The following ANKRD36 variants were observed in gnomAD, a reference collection of about 807,000 sequenced individuals.
ANKRD36 encodes ankyrin repeat domain 36.
ANKRD36 carries 179 observed loss-of-function variants against 278.1 expected under a neutral mutation model. The ratio of observed to expected loss-of-function variants is 0.64; its 90% CI spans 0.57 to 0.73. The LOEUF (loss-of-function observed/expected upper bound fraction) is 0.73. ANKRD36 is among the 30% of genes least tolerant of loss of function. ANKRD36 has a pLI of 0.00. For synonymous variants in ANKRD36, 320 were observed against 641.1 expected (o/e 0.50, Z 7.57); for missense variants, 1,159 against 1,956.7 (o/e 0.59, Z 7.69).
At chr2:97,183,438 T>G (rs748397353) in intron 26 of ANKRD36, 21 bp from the exon 27 acceptor site, 63 of 1,548,536 alleles carry the variant, frequency 4.1e-5, no homozygotes, top group Non-Finnish European at 5.2e-5. Flanking sequence ...TGATGGATTA[T>G]ATATTTCTTT....
At chr2:97,211,830 G>A (rs2064731704) in intron 58 of ANKRD36, 89 bp downstream of exon 58, 2 of 1,406,512 alleles carry the variant, frequency 1.4e-6, no homozygotes, top group Non-Finnish European at 9.7e-7. Flanking sequence ...GGTTCGTCAA[G>A]CCTTCATGTT....
chr2:97,233,080 A>G (rs1425073300), intron 67 of ANKRD36, among the ~76,000 whole-genome samples: 1 of 151,828 alleles, frequency 6.6e-6, no homozygotes, highest in Non-Finnish European at 1.5e-5. Context: ...AATGTGTTCC[A>G]GAAGCCGTTA....
chr2:97,225,679 G>T (rs770209578), intron 67 of ANKRD36, among the ~76,000 whole-genome samples: 1 of 151,926 alleles, frequency 6.6e-6, no homozygotes, highest in African/African-American at 2.4e-5. Flanking sequence ...CAATGTGCAG[G>T]TTAGTTACAT....
At chr2:97,140,602 G>A (rs554407954) in intron 6 of ANKRD36, among the ~76,000 whole-genome samples, 2 of 152,160 alleles carry the variant, frequency 1.3e-5, no homozygotes, top group South Asian at 2.1e-4. Flanking sequence ...CTGTGAAAGA[G>A]TGTCTATGGG....
intron 75 of ANKRD36, among the ~76,000 whole-genome samples, chr2:97,263,304 C>T (rs2076929296): frequency 8.1e-6 from 1 of 123,040 alleles, no homozygotes; most frequent in Non-Finnish European, 1.6e-5. Flanking sequence ...TCTTGCTCCA[C>T]ATCCTTGCCA....
At chr2:97,145,653 T>C (rs779306119) in intron 10 of ANKRD36, among the ~76,000 whole-genome samples, 4 of 152,078 alleles carry the variant, frequency 2.6e-5, no homozygotes, top group Admixed American at 6.6e-5. Flanking sequence ...CTAATGCTTG[T>C]AGCAACTTTA....
At chr2:97,199,067 G>A (rs1209527977) in intron 44 of ANKRD36, among the ~76,000 whole-genome samples, 1 of 151,908 alleles carries the variant, frequency 6.6e-6, no homozygotes, top group Non-Finnish European at 1.5e-5. Flanking sequence ...CACTGTAGGA[G>A]AACTAAGGAG....
chr2:97,162,783 G>A (rs1226390364), intron 18 of ANKRD36, among the ~76,000 whole-genome samples: 3 of 145,540 alleles, frequency 2.1e-5, no homozygotes, highest in East Asian at 4.0e-4. Flanking sequence ...GATGCACTTG[G>A]ATATCAAAAC....
At chr2:97,159,707 G>A (rs1424763182) in intron 17 of ANKRD36, among the ~76,000 whole-genome samples, 1 of 149,492 alleles carries the variant, frequency 6.7e-6, no homozygotes, top group African/African-American at 2.4e-5. Flanking sequence ...TAATAAGAGG[G>A]AAAATAAATA....
rs181207203 is a variant in ANKRD36, at chr2:97,186,641, C to T, written c.2042-557C>T. Reference sequence around the variant, plus strand: ...TGAGAAATAATGAATATTATTTACTCGGATTAAGGAAACATATATCCAAGC... The same window carrying T: ...TGAGAAATAATGAATATTATTTACTTGGATTAAGGAAACATATATCCAAGC... On this transcript the variant is annotated intron_variant, in intron 30 of 75. Coordinates refer to ENST00000420699, the MANE Select transcript of ANKRD36 (RefSeq NM_001354587.1). Among the ~76,000 whole-genome samples, 336 of 151,786 alleles carry T rather than the reference C, an allele frequency of 2.2e-3. 1 individual carries two copies. Among genetic ancestry groups the T allele is most frequent in the Non-Finnish European group, 3.9e-3 (266 of 67,926 alleles).
intron 66 of ANKRD36, among the ~76,000 whole-genome samples, chr2:97,223,050 A>G (rs1418547612): frequency 6.7e-6 from 1 of 149,276 alleles, no homozygotes; most frequent in East Asian, 2.0e-4. Context: ...TGGAAATTTA[A>G]TTTTTTCATT....
Position 97,141,058 on chromosome 2 carries a change from AGT to A in ANKRD36, c.800-1579_800-1578del, listed in dbSNP as rs1436317278. On this transcript the variant is annotated intron_variant, in intron 6 of 75. Transcript: ENST00000420699. ...TTGGGATGCAGCTTAATCTAGAAAA[AGT>A]GTTTTTTTTTTCTTTAGGAAAGCTG... 1.1e-4 allele frequency among the ~76,000 whole-genome samples: 16 copies of A among 151,846 alleles called. No individual in the cohort carries two copies. In the East Asian group the frequency reaches 2.9e-3, roughly 28 times the overall value.
At chr2:97,174,903 G>A (rs1486559697) in intron 22 of ANKRD36, among the ~76,000 whole-genome samples, 44 of 148,630 alleles carry the variant, frequency 3.0e-4, no homozygotes, top group African/African-American at 1.1e-3. Flanking sequence ...TTTGTCTTTG[G>A]CTCTGTTTAT....
chr2:97,115,580 A>G (rs570642274), intron 1 of ANKRD36, among the ~76,000 whole-genome samples: 1 of 152,042 alleles, frequency 6.6e-6, no homozygotes. Context: ...ACCTATGCAC[A>G]TGGGAAAAAA....
chr2:97,169,565 C>G (rs1420045374), intron 22 of ANKRD36, among the ~76,000 whole-genome samples: 1 of 152,286 alleles, frequency 6.6e-6, no homozygotes, highest in Non-Finnish European at 1.5e-5. Context: ...TCTCCTTCAG[C>G]TGATAAGCAA....
At chr2:97,126,103 A>G (rs1471726151) in intron 5 of ANKRD36, among the ~76,000 whole-genome samples, 1 of 137,882 alleles carries the variant, frequency 7.3e-6, no homozygotes, top group African/African-American at 2.7e-5. Context: ...AAGGTGATCT[A>G]TAAACTGAGA....
intron 15 of ANKRD36, among the ~76,000 whole-genome samples, chr2:97,157,427 T>G (rs1182095253): frequency 6.8e-6 from 1 of 147,096 alleles, no homozygotes; most frequent in Non-Finnish European, 1.5e-5. Context: ...AATATTTTCC[T>G]TGCAGACCGC....
chr2:97,229,857 T>G (rs1251312274), intron 67 of ANKRD36, among the ~76,000 whole-genome samples: 1 of 152,128 alleles, frequency 6.6e-6, no homozygotes, highest in Admixed American at 6.5e-5. Flanking sequence ...TCTCATCATT[T>G]GCTTGTCTGT....
At chr2:97,227,692 C>T (rs1356995860) in intron 67 of ANKRD36, among the ~76,000 whole-genome samples, 1 of 152,090 alleles carries the variant, frequency 6.6e-6, no homozygotes, top group African/African-American at 2.4e-5. Context: ...GAGGGCATCC[C>T]TGTCTTGTGC....
Sources: allele counts gnomAD v4.1 joint callset (sites outside exome capture counted in the v4.1 genomes callset), GRCh38; gene constraint gnomAD v4.1.1; transcripts MANE v1.5; gene names NCBI Gene and HGNC (gene_info 2026-07-23, HGNC 2026-07-21).